The following AMBRA1 variants were observed in gnomAD, a reference collection of about 807,000 sequenced individuals.
AMBRA1 encodes the protein autophagy and beclin 1 regulator 1.
In AMBRA1, 47 loss-of-function variants were observed where a neutral mutation model predicts 125.4. The ratio of observed to expected loss-of-function variants is 0.37; its 90% CI spans 0.30 to 0.48. AMBRA1 has a LOEUF of 0.48. Ranked by LOEUF, AMBRA1 falls within the 20% of genes least tolerant of loss-of-function variation. AMBRA1 has a pLI of 0.99. For missense variants in AMBRA1, 1,331 were observed against 1,693.4 expected, an observed-to-expected ratio of 0.79 and a Z score of 3.76; for synonymous variants, 626 against 655.5, an observed-to-expected ratio of 0.95 and a Z score of 0.69.
In AMBRA1 at chr11:46,542,531, G is replaced by A. The variant is rs777689689; in HGVS notation, c.1486C>T (p.Arg496Cys). 8 of 1,613,102 alleles carry A rather than the reference G, an allele frequency of 5.0e-6. No homozygotes were observed. Among genetic ancestry groups the A allele is most frequent in the Admixed American group, 3.3e-5 (2 of 60,006 alleles). ...GSSQNNSGSI[R>C]HELQCDLRRF... ...CTCAGGTCACACTGAAGCTCATGGC[G>A]AATGCTGCCCGAGTTGTTTTGGCTG... Residue 496 changes from arginine to cysteine, a missense_variant, in exon 7 of 18, where the codon CGC becomes TGC. Physicochemically the swap from Arg to Cys is radical, Grantham distance 180 (BLOSUM62 -3). Coordinates refer to ENST00000683756, the MANE Select transcript of AMBRA1 (RefSeq NM_001387011.1). The surrounding 1 kb of genome is among the most constrained non-coding windows in gnomAD (Gnocchi z 5.9).
chr11:46,539,182 G>A (rs1376494329), intron 7 of AMBRA1, among the ~76,000 whole-genome samples: 2 of 151,998 alleles, frequency 1.3e-5, no homozygotes, highest in Admixed American at 1.3e-4. Context: ...TGGAAGCTCA[G>A]TTATACTTTT....
chr11:46,453,078 T>C (rs890264246), intron 11 of AMBRA1, among the ~76,000 whole-genome samples: 17 of 152,156 alleles, frequency 1.1e-4, no homozygotes, highest in Admixed American at 7.9e-4. Context: ...ACCGTACCCA[T>C]TAACAGTCAC....
intron 11 of AMBRA1, among the ~76,000 whole-genome samples, chr11:46,446,947 TACAGGTTTCAGAATCA>T (rs1313714982): frequency 1.3e-5 from 2 of 152,226 alleles, no homozygotes; most frequent in Non-Finnish European, 2.9e-5. Flanking sequence ...GTTTTGAGAA[TACAGGTTTCAGAATCA>T]ACTGGACCAG....
At chr11:46,400,592 G>C (rs1346440405) in intron 17 of AMBRA1, among the ~76,000 whole-genome samples, 1 of 140,744 alleles carries the variant, frequency 7.1e-6, no homozygotes, top group African/African-American at 2.6e-5. Context: ...TTGGGTGCAA[G>C]TGATCCACCC....
At chr11:46,480,398 C>T (rs924002920) in intron 11 of AMBRA1, among the ~76,000 whole-genome samples, 2 of 152,010 alleles carry the variant, frequency 1.3e-5, no homozygotes, top group African/African-American at 4.8e-5. Context: ...CAATTGGACT[C>T]GCAGAATTGT....
At chr11:46,436,472 GCTAA>G (rs1209413993) in intron 12 of AMBRA1, among the ~76,000 whole-genome samples, 2 of 152,190 alleles carry the variant, frequency 1.3e-5, no homozygotes, top group African/African-American at 4.8e-5. Flanking sequence ...GGTTCTGTTT[GCTAA>G]CTAATAAAAT....
chr11:46,499,949 G>T (rs958610323), intron 9 of AMBRA1, among the ~76,000 whole-genome samples: 17 of 152,114 alleles, frequency 1.1e-4, no homozygotes, highest in Admixed American at 5.2e-4. Context: ...ACCGCCCCCG[G>T]CTGACAGGGG....
At chr11:46,411,115 G>GAAAAAAAAAAAAAAAAAAAA in intron 15 of AMBRA1, among the ~76,000 whole-genome samples, 1 of 115,608 alleles carries the variant, frequency 8.6e-6, no homozygotes, top group African/African-American at 3.2e-5. Context: ...AAAAAAAAAA[G>GAAAAAAAAAAAAAAAAAAAA]AAAAAAAAAA....
intron 9 of AMBRA1, among the ~76,000 whole-genome samples, chr11:46,498,497 A>C (rs963563731): frequency 1.3e-5 from 2 of 152,168 alleles, no homozygotes; most frequent in Non-Finnish European, 2.9e-5. Flanking sequence ...CTTATCAAAG[A>C]TTTTACCAGA....
rs150189985 is a variant in AMBRA1 at position 46,446,592 on chromosome 11, T to G, written c.2522-2994A>C. 1.7e-3 allele frequency among the ~76,000 whole-genome samples: 263 copies of G among 152,244 alleles called. 1 individual carries two copies. Among genetic ancestry groups the G allele is most frequent in the Admixed American group, 3.5e-3 (53 of 15,290 alleles). On this transcript the variant is annotated intron_variant, in intron 11 of 17. Transcript: ENST00000683756. ...CTGAAATTTTAGGACAGATAATTAT[T>G]TGTGTGAAGAGTCTTGTGCATCGCA...
At chr11:46,450,864 G>A (rs61882709) in intron 11 of AMBRA1, among the ~76,000 whole-genome samples, 32,176 of 152,156 alleles carry the variant, frequency 0.21, 4,083 homozygotes, top group African/African-American at 0.36. Context: ...TAATGTAAAC[G>A]CATACTTTGA....
intron 11 of AMBRA1, among the ~76,000 whole-genome samples, chr11:46,476,877 C>T (rs1170374306): frequency 6.6e-6 from 1 of 152,076 alleles, no homozygotes; most frequent in Non-Finnish European, 1.5e-5. Context: ...CTTTGGGAGG[C>T]CAAGGTGGGT....
At chr11:46,430,482 G>C (rs966528867) in intron 14 of AMBRA1, among the ~76,000 whole-genome samples, 3 of 152,200 alleles carry the variant, frequency 2.0e-5, no homozygotes, top group African/African-American at 7.2e-5. Flanking sequence ...ATTTTAATAA[G>C]GACCCATGTA....
At chr11:46,418,157 T>A in intron 14 of AMBRA1, 105 bp from the exon 15 acceptor site, 4 of 1,056,966 alleles carry the variant, frequency 3.8e-6, no homozygotes, top group East Asian at 3.2e-5. Flanking sequence ...GGAAAGGAGG[T>A]GGTTAGGCTG....
At chr11:46,563,898 A>T (rs2043424423) in intron 1 of AMBRA1, among the ~76,000 whole-genome samples, 1 of 150,472 alleles carries the variant, frequency 6.6e-6, no homozygotes, top group African/African-American at 2.4e-5. Context: ...TAATCTCAGC[A>T]CTTTGGGAGG....
intron 14 of AMBRA1, among the ~76,000 whole-genome samples, chr11:46,430,191 G>T (rs977984545): frequency 2.6e-5 from 4 of 152,204 alleles, no homozygotes. Context: ...CTGGAAAGCA[G>T]CAACAGCCTA....
intron 11 of AMBRA1, among the ~76,000 whole-genome samples, chr11:46,445,085 CA>C (rs1204863231): frequency 3.4e-4 from 46 of 136,894 alleles, no homozygotes; most frequent in African/African-American, 1.1e-3. Context: ...AAAAAAAAAA[CA>C]AAAAAAAACT....
chr11:46,548,552 C>CAAA, intron 1 of AMBRA1, 52 bp from the exon 2 acceptor site: 1 of 706,982 alleles, frequency 1.4e-6, no homozygotes, highest in Non-Finnish European at 2.2e-6. Flanking sequence ...CGAGAAGCTT[C>CAAA]TAATTGCAAA....
intron 1 of AMBRA1, among the ~76,000 whole-genome samples, chr11:46,557,420 A>C (rs962108325): frequency 1.4e-4 from 21 of 152,224 alleles, no homozygotes; most frequent in African/African-American, 4.8e-4. Context: ...TAAATTTAAA[A>C]CAAATTCTTC....
Sources: gnomAD v4.1 joint callset for allele counts (sites outside exome capture counted in the v4.1 genomes callset) on GRCh38, gnomAD v4.1.1 for gene constraint, Gnocchi (gnomAD v3.1) non-coding constraint, MANE v1.5 for transcripts, NCBI Gene and HGNC (gene_info 2026-07-23, HGNC 2026-07-21) for gene names.